ADCY2: variants seen among roughly 807,000 people sequenced by gnomAD.
ADCY2 encodes adenylate cyclase 2.
In ADCY2, 31 loss-of-function variants were observed where a neutral mutation model predicts 125.2. The ratio of observed to expected loss-of-function variants is 0.25; its 90% CI spans 0.19 to 0.33. The LOEUF is 0.33. ADCY2 is among the 10% of genes least tolerant of loss of function. The pLI, the probability that ADCY2 is intolerant of heterozygous loss-of-function variation, is 1.00. For missense variants in ADCY2, 904 were observed against 1,418.2 expected, an observed-to-expected ratio of 0.64 and a Z score of 5.82; for synonymous variants, 512 against 548.4, an observed-to-expected ratio of 0.93 and a Z score of 0.93.
At chr5:7,803,642 T>C (rs2126523111) in intron 21 of ADCY2, among the ~76,000 whole-genome samples, 1 of 152,316 alleles carries the variant, frequency 6.6e-6, no homozygotes, top group East Asian at 1.9e-4. Context: ...CTTGTGCCTG[T>C]CATCCTAGCA....
At chr5:7,442,944 C>T (rs1184760787) in intron 2 of ADCY2, among the ~76,000 whole-genome samples, 1 of 152,126 alleles carries the variant, frequency 6.6e-6, no homozygotes, top group African/African-American at 2.4e-5. Context: ...TGATGTGTTT[C>T]TATCAGTTAC....
chr5:7,714,985 G>C (rs1040155908), intron 11 of ADCY2, among the ~76,000 whole-genome samples: 1 of 152,210 alleles, frequency 6.6e-6, no homozygotes, highest in Non-Finnish European at 1.5e-5. Context: ...TCCTAGAGCA[G>C]TGGGAAGGCC....
In ADCY2 at chr5:7,665,828, C is replaced by CTTTTTTTTTT. The variant is rs70940750; in HGVS notation, c.721-24844_721-24835dup. Among the ~76,000 whole-genome samples, 10 of 38,632 alleles carry CTTTTTTTTTT rather than the reference C, an allele frequency of 2.6e-4. 2 individuals carry two copies. The highest frequency in any genetic ancestry group is 4.3e-4 in the Admixed American group (1 of 2,330). 25.3% of individuals were successfully genotyped at this position (38,632 alleles called of 152,430 possible). On this transcript the variant is annotated intron_variant, in intron 4 of 24. Coordinates refer to ENST00000338316, the MANE Select transcript of ADCY2 (RefSeq NM_020546.3). ...TGTTTTGTTTTTTTTTAATTTAATT[C>CTTTTTTTTTT]TTTTTTTTTTTTTTTTTTTTTTTTT... is the stretch of plus-strand genomic sequence containing the variant.
At chr5:7,454,874 G>A (rs569805880) in intron 2 of ADCY2, among the ~76,000 whole-genome samples, 2 of 152,146 alleles carry the variant, frequency 1.3e-5, no homozygotes, top group East Asian at 3.9e-4. Flanking sequence ...TTGGTTTTTA[G>A]ATATTTAGGT....
intron 16 of ADCY2, among the ~76,000 whole-genome samples, chr5:7,759,368 A>G (rs149838387): frequency 6.6e-6 from 1 of 152,268 alleles, no homozygotes; most frequent in Non-Finnish European, 1.5e-5. Context: ...CAGCCTCCAG[A>G]GCAGCTAGTT....
intron 15 of ADCY2, among the ~76,000 whole-genome samples, chr5:7,754,502 A>G (rs1268981181): frequency 6.6e-6 from 1 of 152,212 alleles, no homozygotes; most frequent in Non-Finnish European, 1.5e-5. Context: ...ATATAAGAGC[A>G]TTGATTTTAA....
intron 3 of ADCY2, among the ~76,000 whole-genome samples, chr5:7,586,656 G>C (rs920594158): frequency 6.6e-6 from 1 of 152,122 alleles, no homozygotes; most frequent in Non-Finnish European, 1.5e-5. Flanking sequence ...CAGCTCACCG[G>C]CTGTCTTTAG....
chr5:7,530,778 T>A (rs10075408), intron 3 of ADCY2, among the ~76,000 whole-genome samples: 56,780 of 151,780 alleles, frequency 0.37, 12,144 homozygotes, highest in Non-Finnish European at 0.48. Flanking sequence ...TCTTCTATTC[T>A]CCCTGCCATG....
intron 4 of ADCY2, among the ~76,000 whole-genome samples, chr5:7,643,880 T>G (rs1246233530): frequency 6.6e-6 from 1 of 151,908 alleles, no homozygotes. Context: ...CATTGTGTGT[T>G]TTCTTTTAAA....
chr5:7,820,112 G>T (rs969341933), intron 23 of ADCY2, among the ~76,000 whole-genome samples: 1 of 152,194 alleles, frequency 6.6e-6, no homozygotes, highest in Non-Finnish European at 1.5e-5. Context: ...AATCAAAGGA[G>T]AATTTATTTC....
chr5:7,820,951 A>G (rs1285991972), intron 24 of ADCY2, among the ~76,000 whole-genome samples: 2 of 152,246 alleles, frequency 1.3e-5, no homozygotes, highest in African/African-American at 4.8e-5. Flanking sequence ...ATGATGGCAC[A>G]ACAGCCCTGA....
At chr5:7,591,131 A>C (rs75104099) in intron 3 of ADCY2, among the ~76,000 whole-genome samples, 12,351 of 152,302 alleles carry the variant, frequency 0.081, 727 homozygotes, top group Non-Finnish European at 0.12. Flanking sequence ...GGAATTATAC[A>C]TAATTCAGTT....
At chr5:7,562,925 G>T (rs1178493494) in intron 3 of ADCY2, among the ~76,000 whole-genome samples, 1 of 152,138 alleles carries the variant, frequency 6.6e-6, no homozygotes, top group Non-Finnish European at 1.5e-5. Context: ...AAAATGGCAA[G>T]ACATTCTTAT....
chr5:7,494,596 C>T (rs1276680218), intron 2 of ADCY2, among the ~76,000 whole-genome samples: 1 of 152,134 alleles, frequency 6.6e-6, no homozygotes, highest in African/African-American at 2.4e-5. Context: ...TTTCCAAGGG[C>T]TCCTCCAGGC....
At chr5:7,472,931 GT>G (rs1742392470) in intron 2 of ADCY2, among the ~76,000 whole-genome samples, 4 of 152,048 alleles carry the variant, frequency 2.6e-5, no homozygotes, top group Admixed American at 2.6e-4. Flanking sequence ...TCCTGAGTTG[GT>G]TTATACACTG....
intron 2 of ADCY2, among the ~76,000 whole-genome samples, chr5:7,496,279 C>A (rs759800861): frequency 6.6e-6 from 1 of 152,080 alleles, no homozygotes; most frequent in Non-Finnish European, 1.5e-5. Context: ...AAAGCAACAA[C>A]ATTTTAATAA....
At chr5:7,424,099 A>G (rs1740304040) in intron 2 of ADCY2, among the ~76,000 whole-genome samples, 1 of 152,210 alleles carries the variant, frequency 6.6e-6, no homozygotes, top group South Asian at 2.1e-4. Context: ...GGTCTTTGAG[A>G]CATTTTTGCT....
intron 14 of ADCY2, among the ~76,000 whole-genome samples, chr5:7,735,399 T>C (rs1356462623): frequency 6.6e-6 from 1 of 152,248 alleles, no homozygotes; most frequent in Non-Finnish European, 1.5e-5. Context: ...CATCCTTTCT[T>C]ATTCAATCTG....
chr5:7,705,438 T>C (rs752115284), intron 7 of ADCY2, among the ~76,000 whole-genome samples: 1 of 152,186 alleles, frequency 6.6e-6, no homozygotes, highest in Non-Finnish European at 1.5e-5. Context: ...CAGAAAGCCT[T>C]TCTGAGTGGG....
Sources: gnomAD v4.1 joint callset for allele counts (sites outside exome capture counted in the v4.1 genomes callset) on GRCh38, gnomAD v4.1.1 for gene constraint, MANE v1.5 for transcripts, NCBI Gene and HGNC (gene_info 2026-07-23, HGNC 2026-07-21) for gene names.